Variants in ZNG1B observed in about 807,000 individuals in gnomAD.
The protein encoded by ZNG1B is zinc-regulated GTPase metalloprotein activator 1B.
At chr2:113,447,154 G>T in the ZNG1B span, among the ~76,000 whole-genome samples, 17,600 of 123,968 alleles carry the variant, frequency 0.14, 1,505 homozygotes, top group Non-Finnish European at 0.21. Context: ...TTTTGGCCGG[G>T]TGTGATGTCA....
chr2:113,439,641 C>A, the ZNG1B span, among the ~76,000 whole-genome samples: 1 of 152,214 alleles, frequency 6.6e-6, no homozygotes, highest in African/African-American at 2.4e-5. Context: ...GCATCTGGAT[C>A]TTGCCAACCT....
At chr2:113,445,174 T>C in the ZNG1B span, 11 of 1,394,668 alleles carry the variant, frequency 7.9e-6, no homozygotes, top group South Asian at 1.4e-5. Flanking sequence ...CCAAAAACTT[T>C]TTTTGGTTTA....
the ZNG1B span, among the ~76,000 whole-genome samples, chr2:113,449,203 A>G: frequency 3.3e-5 from 5 of 151,938 alleles, no homozygotes; most frequent in African/African-American, 1.2e-4. Context: ...GGCTTGTTTG[A>G]TCATCTATCC....
the ZNG1B span, among the ~76,000 whole-genome samples, chr2:113,458,121 C>T: frequency 6.6e-6 from 1 of 150,932 alleles, no homozygotes; most frequent in African/African-American, 2.4e-5. Flanking sequence ...ATTTTTTCTT[C>T]ATTTACTTAT....
the ZNG1B span, among the ~76,000 whole-genome samples, chr2:113,443,481 A>G: frequency 6.6e-6 from 1 of 151,412 alleles, no homozygotes; most frequent in Admixed American, 6.6e-5. Context: ...CAAGATAGCT[A>G]CTTTATTAAG....
chr2:113,490,330 A>G, the ZNG1B span, among the ~76,000 whole-genome samples: 2 of 152,164 alleles, frequency 1.3e-5, no homozygotes, highest in African/African-American at 2.4e-5. Flanking sequence ...GACACAACCT[A>G]TCAACCTCTG....
chr2:113,495,869 C>T, the ZNG1B span: 2 of 712,376 alleles, frequency 2.8e-6, no homozygotes, highest in Non-Finnish European at 4.3e-6. Context: ...ATTTGTTTTA[C>T]AGCATACATA....
the ZNG1B span, among the ~76,000 whole-genome samples, chr2:113,483,989 G>A: frequency 1.3e-5 from 2 of 148,940 alleles, no homozygotes; most frequent in African/African-American, 5.0e-5. Context: ...GGGATTCAGA[G>A]GCATGAACAA....
At chr2:113,454,862 A>T in the ZNG1B span, 10 of 1,450,846 alleles carry the variant, frequency 6.9e-6, no homozygotes, top group East Asian at 2.1e-4. Flanking sequence ...TTATGTTTGT[A>T]TCTGAAATTT....
the ZNG1B span, among the ~76,000 whole-genome samples, chr2:113,484,939 A>C: frequency 1.3e-5 from 2 of 151,942 alleles, no homozygotes; most frequent in Admixed American, 1.3e-4. Context: ...TGCTGGGATT[A>C]CAGGCATGAG....
At chr2:113,472,653 G>A in the ZNG1B span, among the ~76,000 whole-genome samples, 1 of 151,950 alleles carries the variant, frequency 6.6e-6, no homozygotes, top group African/African-American at 2.4e-5. Flanking sequence ...ATGTTGAATT[G>A]ATTTTTGTAT....
the ZNG1B span, chr2:113,495,260 A>C: frequency 2.0e-6 from 3 of 1,514,666 alleles, no homozygotes; most frequent in Non-Finnish European, 2.7e-6. Flanking sequence ...GTAAGTCTGA[A>C]AGGATTCACA....
chr2:113,451,555 T>C, the ZNG1B span, among the ~76,000 whole-genome samples: 1 of 142,486 alleles, frequency 7.0e-6, no homozygotes, highest in Non-Finnish European at 1.5e-5. Context: ...ACCCACTAGA[T>C]GCCAGTAGCA....
At chr2:113,471,186 T>C in the ZNG1B span, 3 of 1,356,640 alleles carry the variant, frequency 2.2e-6, no homozygotes, top group African/African-American at 1.5e-5. Flanking sequence ...TGATTTAAGC[T>C]TCCTGCCATT....
chr2:113,476,425 T>A, the ZNG1B span, among the ~76,000 whole-genome samples: 2 of 150,174 alleles, frequency 1.3e-5, no homozygotes, highest in African/African-American at 5.0e-5. Flanking sequence ...CTTCTTTGCC[T>A]TTGGTTTGAA....
At chr2:113,465,871 A>G in the ZNG1B span, 4 of 983,766 alleles carry the variant, frequency 4.1e-6, no homozygotes, top group Admixed American at 6.2e-5. Flanking sequence ...TACTTGAGAA[A>G]TTCTTTCTTT....
At chr2:113,489,159 T>C in the ZNG1B span, among the ~76,000 whole-genome samples, 2 of 151,972 alleles carry the variant, frequency 1.3e-5, no homozygotes, top group Non-Finnish European at 2.9e-5. Flanking sequence ...AGCACATTTC[T>C]CAGCAGAAAC....
the ZNG1B span, among the ~76,000 whole-genome samples, chr2:113,489,139 C>G: frequency 2.8e-3 from 421 of 152,098 alleles, 2 homozygotes; most frequent in African/African-American, 9.7e-3. Flanking sequence ...GGAAAACTTA[C>G]CAGATTAACA....
At chr2:113,455,489 T>C in the ZNG1B span, 1 of 652,930 alleles carries the variant, frequency 1.5e-6, no homozygotes, top group South Asian at 1.5e-5. Context: ...ATTTATAAAA[T>C]GCATTTAGTA....
Sources: gnomAD v4.1 joint callset for allele counts (sites outside exome capture counted in the v4.1 genomes callset) on GRCh38, gnomAD v4.1.1 for gene constraint, MANE v1.5 for transcripts, NCBI Gene and HGNC (gene_info 2026-07-23, HGNC 2026-07-21) for gene names.